The following BMAL1 variants were observed in gnomAD, a reference collection of about 807,000 sequenced individuals.
BMAL1 encodes basic helix-loop-helix ARNT like 1.
At chr11:13,365,089 G>A in the BMAL1 span, among the ~76,000 whole-genome samples, 1 of 148,906 alleles carries the variant, frequency 6.7e-6, no homozygotes, top group East Asian at 1.9e-4. Flanking sequence ...AGATGTTGGA[G>A]AGGGGATTCT....
chr11:13,355,405 C>A, the BMAL1 span: 1 of 1,079,010 alleles, frequency 9.3e-7, no homozygotes, highest in South Asian at 1.3e-5. Context: ...AGAAAGACTG[C>A]GAGATGTTGG....
chr11:13,319,589 A>G, the BMAL1 span, among the ~76,000 whole-genome samples: 2 of 152,198 alleles, frequency 1.3e-5, no homozygotes, highest in Non-Finnish European at 2.9e-5. Flanking sequence ...TTCAGAATAT[A>G]TGTCTGTAGA....
chr11:13,303,997 G>A, the BMAL1 span, among the ~76,000 whole-genome samples: 2 of 152,192 alleles, frequency 1.3e-5, no homozygotes, highest in South Asian at 2.1e-4. Context: ...GGAATGGAGT[G>A]GGGAGGAGAG....
chr11:13,286,776 C>G, the BMAL1 span, among the ~76,000 whole-genome samples: 6 of 152,118 alleles, frequency 3.9e-5, no homozygotes, highest in Non-Finnish European at 7.3e-5. Context: ...AACTTATCTT[C>G]CATATAATTA....
the BMAL1 span, among the ~76,000 whole-genome samples, chr11:13,338,629 T>C: frequency 6.6e-6 from 1 of 152,226 alleles, no homozygotes; most frequent in Admixed American, 6.5e-5. Flanking sequence ...TTTTATTTGC[T>C]GAGTCACTGA....
chr11:13,313,216 G>T, the BMAL1 span, among the ~76,000 whole-genome samples: 1 of 152,146 alleles, frequency 6.6e-6, no homozygotes, highest in Admixed American at 6.5e-5. Context: ...TCGGCTCCCG[G>T]TTCTCCTCCA....
the BMAL1 span, chr11:13,356,589 C>A: frequency 3.5e-6 from 3 of 865,666 alleles, no homozygotes; most frequent in Non-Finnish European, 5.2e-6. Flanking sequence ...ATTTGTTTTA[C>A]CCTTATTATA....
chr11:13,347,461 A>G, the BMAL1 span, among the ~76,000 whole-genome samples: 7 of 152,218 alleles, frequency 4.6e-5, no homozygotes, highest in Non-Finnish European at 7.3e-5. Context: ...TTTTATTTCT[A>G]TAAAGTAAAT....
the BMAL1 span, among the ~76,000 whole-genome samples, chr11:13,363,588 A>G: frequency 1.3e-5 from 2 of 152,204 alleles, no homozygotes; most frequent in African/African-American, 4.8e-5. Flanking sequence ...GCTTTTCCTC[A>G]GCAATGCAAA....
chr11:13,325,657 TTGTGTG>T, the BMAL1 span, among the ~76,000 whole-genome samples: 237 of 134,408 alleles, frequency 1.8e-3, 1 homozygote, highest in African/African-American at 5.0e-3. Context: ...TTGAGACCTT[TTGTGTG>T]TGTGTGTGTG....
At chr11:13,331,705 T>C in the BMAL1 span, among the ~76,000 whole-genome samples, 3 of 152,204 alleles carry the variant, frequency 2.0e-5, no homozygotes, top group Non-Finnish European at 2.9e-5. Context: ...AGCATTCTGG[T>C]AGCCAATATC....
chr11:13,295,602 G>A, the BMAL1 span, among the ~76,000 whole-genome samples: 14 of 152,268 alleles, frequency 9.2e-5, no homozygotes, highest in East Asian at 2.7e-3. Context: ...GCCTTCAGAT[G>A]GAGATAGCAA....
the BMAL1 span, among the ~76,000 whole-genome samples, chr11:13,323,011 G>C: frequency 1.3e-5 from 2 of 151,118 alleles, no homozygotes. Flanking sequence ...TGCCCAGGCT[G>C]ATCTTGAACT....
the BMAL1 span, among the ~76,000 whole-genome samples, chr11:13,289,112 C>T: frequency 6.6e-6 from 1 of 152,200 alleles, no homozygotes; most frequent in African/African-American, 2.4e-5. Flanking sequence ...ACAGGTATAA[C>T]AATTCCTGTT....
At chr11:13,360,734 G>A in the BMAL1 span, among the ~76,000 whole-genome samples, 1 of 152,306 alleles carries the variant, frequency 6.6e-6, no homozygotes, top group East Asian at 1.9e-4. Context: ...GAAGATTTTA[G>A]GAAGGGACTG....
the BMAL1 span, among the ~76,000 whole-genome samples, chr11:13,361,361 C>A: frequency 6.6e-6 from 1 of 151,946 alleles, no homozygotes; most frequent in Non-Finnish European, 1.5e-5. Context: ...GAAACGTGTT[C>A]TTGTAGATTG....
the BMAL1 span, among the ~76,000 whole-genome samples, chr11:13,333,885 G>T: frequency 6.6e-6 from 1 of 152,154 alleles, no homozygotes; most frequent in Non-Finnish European, 1.5e-5. Context: ...AGTGCTCATG[G>T]ACCCACATCC....
the BMAL1 span, among the ~76,000 whole-genome samples, chr11:13,349,479 G>T: frequency 1.3e-5 from 2 of 152,180 alleles, no homozygotes; most frequent in African/African-American, 4.8e-5. Flanking sequence ...CTGTAAAACG[G>T]AGAACACAGG....
chr11:13,378,576 T>A, the BMAL1 span: 1 of 1,265,100 alleles, frequency 7.9e-7, no homozygotes, highest in Non-Finnish European at 1.1e-6. Context: ...GGTTGCTACT[T>A]AAACATCCTG....
Sources: allele counts gnomAD v4.1 joint callset (sites outside exome capture counted in the v4.1 genomes callset), GRCh38; gene constraint gnomAD v4.1.1; transcripts MANE v1.5; gene names NCBI Gene and HGNC (gene_info 2026-07-23, HGNC 2026-07-21).